Variants in BTF3 observed in about 807,000 individuals in gnomAD.
BTF3 encodes transcription factor BTF3.
In BTF3, 12 loss-of-function variants were observed where a neutral mutation model predicts 23.9. The observed-to-expected ratio is 0.50, with a 90% CI of 0.32 to 0.81. BTF3 has a LOEUF of 0.81. BTF3 is among the 40% of genes least tolerant of loss of function. The pLI is 0.03. For synonymous variants in BTF3, 96 were observed against 94.8 expected (o/e 1.01, Z -0.07); for missense variants, 215 against 255.9 (o/e 0.84, Z 1.09).
In BTF3 at chr5:73,498,453, C is replaced by A. The variant is rs1047041306; in HGVS notation, c.-215C>A. 2 of 557,504 alleles carry A rather than the reference C, an allele frequency of 3.6e-6. No individual in the cohort carries two copies. The highest frequency in any genetic ancestry group is 4.0e-5 in the African/African-American group (2 of 50,454). The allele number at this position is 557,504 out of a possible 1,614,324, so 34.5% of individuals were successfully genotyped here. ...GTCACTTCCGGCCTCCCTTTAGCTG[C>A]CATCTTGCGTCCCCGCGTGTGTGCG... On this transcript the variant is annotated 5_prime_UTR_variant, in exon 1 of 6. Coordinates refer to ENST00000380591, the MANE Select transcript of BTF3 (RefSeq NM_001037637.2).
At chr5:73,501,842 T>C (rs1384868514) in intron 2 of BTF3, among the ~76,000 whole-genome samples, 4 of 152,186 alleles carry the variant, frequency 2.6e-5, no homozygotes, top group African/African-American at 9.7e-5. Flanking sequence ...CCTGTAAATA[T>C]TAATTTGGAT....
Position 73,498,631 on chromosome 5 carries a change from G to T in BTF3, c.-37G>T. The T allele has an allele frequency of 6.8e-7, 1 of 1,461,510 alleles. No individual in the cohort carries two copies. The allele number at this position is 1,461,510 out of a possible 1,614,324, so 90.5% of individuals were successfully genotyped here. On this transcript the variant is annotated 5_prime_UTR_variant, in exon 1 of 6. Transcript: ENST00000380591. ...GGCGGGAAGTTCCCTGAAGGAGCGA[G>T]ACAGGGAGGGACAGGGCAGAGGAGG...
At chr5:73,501,543 A>T (rs1423123500) in intron 2 of BTF3, among the ~76,000 whole-genome samples, 2 of 152,218 alleles carry the variant, frequency 1.3e-5, no homozygotes, top group Non-Finnish European at 2.9e-5. Context: ...CAGGTGACAT[A>T]AGAGTAGAGA....
In BTF3 at chr5:73,499,147, T is replaced by C; in HGVS notation, c.146T>C (p.Ile49Thr). Residue 49 changes from isoleucine to threonine, a missense_variant, in exon 2 of 6, where the codon ATC becomes ACC. Around this residue, in one of 2 missense-constraint regions of BTF3, gnomAD observed 116 missense variants for 84.7 expected, o/e 1.37. Transcript: ENST00000380591. ...RGQEPQMKETIMNQEKLAKLQ... is the reference protein window; with the variant it reads ...RGQEPQMKETTMNQEKLAKLQ... ...CTCTTTTTCTAGATGAAAGAAACAATCATGAACCAGGAAAAACTCGCCAAA... is the reference window on the plus strand; with the variant it reads ...CTCTTTTTCTAGATGAAAGAAACAACCATGAACCAGGAAAAACTCGCCAAA... 6.2e-7 allele frequency: 1 copy of C among 1,611,784 alleles called. No individual in the cohort carries two copies. The highest frequency in any genetic ancestry group is 8.5e-7 in the Non-Finnish European group (1 of 1,179,614).
intron 2 of BTF3, among the ~76,000 whole-genome samples, chr5:73,500,043 T>C (rs976252120): frequency 6.6e-6 from 1 of 152,254 alleles, no homozygotes; most frequent in African/African-American, 2.4e-5. Context: ...TTCCCAACTT[T>C]AAGCGTTTAA....
chr5:73,503,171 T>C (rs547165276), intron 4 of BTF3, 54 bp downstream of exon 4: 3 of 1,576,282 alleles, frequency 1.9e-6, no homozygotes, highest in African/African-American at 2.7e-5. Context: ...GCAGCTGATT[T>C]CTGATCTCAG....
chr5:73,498,619 C>A lies in BTF3; in HGVS notation c.-49C>A. ...GACGGGAGCGGGGGCGGGAAGTTCC[C>A]TGAAGGAGCGAGACAGGGAGGGACA... On this transcript the variant is annotated 5_prime_UTR_variant, in exon 1 of 6. In the 5' UTR this introduces an upstream ATG that the reference lacks. Transcript: ENST00000380591. The A allele has an allele frequency of 7.0e-7, 1 of 1,421,164 alleles. No individual in the cohort carries two copies. Among genetic ancestry groups the A allele is most frequent in the East Asian group, 2.8e-5 (1 of 35,580 alleles). 88.0% of individuals were successfully genotyped at this position (1,421,164 alleles called of 1,614,324 possible).
chr5:73,504,267 C>CTTTTTTTTTTTTTTTTTT lies in BTF3; in HGVS notation c.518-72_518-55dup, dbSNP rs34051700. The CTTTTTTTTTTTTTTTTTT allele has an allele frequency of 3.3e-4, 41 of 125,380 alleles. 9 individuals carry two copies. Among genetic ancestry groups the CTTTTTTTTTTTTTTTTTT allele is most frequent in the Non-Finnish European group, 4.5e-4 (30 of 66,842 alleles). 7.8% of individuals were successfully genotyped at this position (125,380 alleles called of 1,614,324 possible). On this transcript the variant is annotated intron_variant, in intron 4 of 5. Transcript: ENST00000380591. ...AACAACACTTGGCATTTCATCTGTT[C>CTTTTTTTTTTTTTTTTTT]TTTTTTTTTTTTTTTTTTTTTTTTT...
intron 2 of BTF3, 132 bp downstream of exon 2, chr5:73,499,334 AAATCT>A: frequency 2.0e-6 from 2 of 977,638 alleles, no homozygotes; most frequent in Non-Finnish European, 3.1e-6. Context: ...CGGAGCTAGC[AAATCT>A]CGAGGAGCGG....
intron 2 of BTF3, among the ~76,000 whole-genome samples, chr5:73,502,068 G>A (rs548775170): frequency 5.3e-5 from 8 of 151,148 alleles, no homozygotes; most frequent in Admixed American, 5.3e-4. Flanking sequence ...GGAGGCTGAG[G>A]CAGGAGAATC....
In BTF3 at chr5:73,505,258, A is replaced by C. The variant is rs1400246815; in HGVS notation, c.*20A>C. The stretch of plus-strand genomic sequence containing the variant: ...AACTGAATTGAGTCAACTTCTGAAG[A>C]TAAAACCTGAAGAAGTTACTGGGAG... On this transcript the variant is annotated 3_prime_UTR_variant, in exon 6 of 6. Transcript: ENST00000380591. 1 of 1,604,952 alleles carries C rather than the reference A, an allele frequency of 6.2e-7. No individual in the cohort carries two copies. The highest frequency in any genetic ancestry group is 1.3e-5 in the African/African-American group (1 of 74,544).
intron 2 of BTF3, among the ~76,000 whole-genome samples, chr5:73,501,448 GAAAT>G (rs1198701271): frequency 6.6e-5 from 10 of 152,190 alleles, no homozygotes; most frequent in Non-Finnish European, 1.3e-4. Context: ...GTTATGAAGA[GAAAT>G]AAACCAGGAT....
At chr5:73,504,921 G>A in intron 5 of BTF3, 1 of 346,230 alleles carries the variant, frequency 2.9e-6, no homozygotes, top group South Asian at 4.7e-5. Context: ...ACTTTGCATA[G>A]ACAGGTATCC....
chr5:73,499,095 G>A, intron 1 of BTF3, 39 bp from the exon 2 acceptor site: 2 of 1,586,014 alleles, frequency 1.3e-6, no homozygotes, highest in East Asian at 2.2e-5. Context: ...GCTAGAGTGA[G>A]CTAAACCTAT....
At chr5:73,503,414 T>C (rs541155920) in intron 4 of BTF3, among the ~76,000 whole-genome samples, 4 of 152,308 alleles carry the variant, frequency 2.6e-5, no homozygotes, top group African/African-American at 9.6e-5. Context: ...CAATAACTAC[T>C]TGTAAGTTTG....
intron 4 of BTF3, 121 bp from the exon 5 acceptor site, chr5:73,504,223 TATC>T (rs1746502359): frequency 3.0e-6 from 2 of 658,396 alleles, no homozygotes; most frequent in East Asian, 3.0e-5. Flanking sequence ...AAATGTCCCT[TATC>T]ATGGAAATAA....
At position 73,504,396 on chromosome 5, in the gene BTF3, A is replaced by G. The variant is rs762412758; in HGVS notation, c.567A>G (p.Glu189=). The change falls in exon 5 of 6, where the codon GAA becomes GAG. Residue 189 remains glutamate, a synonymous_variant. Transcript: ENST00000380591. ...PLATGEDDDD[E]VPDLVENFDE... ...CTACTGGAGAGGATGATGATGATGA[A>G]GTTCCAGGTAGGAACGTTTACTTGT... 1.3e-6 allele frequency: 2 copies of G among 1,598,726 alleles called. No homozygotes were observed. Among genetic ancestry groups the G allele is most frequent in the South Asian group, 2.3e-5 (2 of 88,854 alleles).
At chr5:73,502,158 C>CAA (rs148360172) in intron 2 of BTF3, among the ~76,000 whole-genome samples, 3,305 of 76,594 alleles carry the variant, frequency 0.043, 206 homozygotes, top group African/African-American at 0.11. Context: ...GACCCTGTCT[C>CAA]AAAAAAAAAA....
Position 73,498,525 on chromosome 5 carries a change from G to C in BTF3, c.-143G>C, listed in dbSNP as rs895479915. 1.7e-5 allele frequency: 22 copies of C among 1,272,412 alleles called. No individual in the cohort carries two copies. Among genetic ancestry groups the C allele is most frequent in the Non-Finnish European group, 2.2e-5 (22 of 978,434 alleles). 78.8% of individuals were successfully genotyped at this position (1,272,412 alleles called of 1,614,324 possible). On this transcript the variant is annotated 5_prime_UTR_variant, in exon 1 of 6. Coordinates refer to ENST00000380591, the MANE Select transcript of BTF3 (RefSeq NM_001037637.2). Reference sequence around the variant, plus strand: ...CGAGACCCCTTGAGCACCAACCCTAGTCCCCCGCGCGGCCCCTTATTCGCT... The same window carrying C: ...CGAGACCCCTTGAGCACCAACCCTACTCCCCCGCGCGGCCCCTTATTCGCT...
Sources: gnomAD v4.1 joint callset for allele counts (sites outside exome capture counted in the v4.1 genomes callset) on GRCh38, gnomAD v4.1.1 for gene constraint, gnomAD v4.1.1 regional missense constraint, MANE v1.5 for transcripts, NCBI Gene and HGNC (gene_info 2026-07-23, HGNC 2026-07-21) for gene names.